The following ATG7 variants were observed in gnomAD, a reference collection of about 807,000 sequenced individuals.
ATG7 encodes the protein autophagy related 7, also known as ubiquitin-like modifier-activating enzyme ATG7.
Under a neutral mutation model 82.4 loss-of-function variants are expected in ATG7, and 70 were observed. That is an observed-to-expected ratio of 0.85 (90% CI 0.70 to 1.04). The LOEUF (loss-of-function observed/expected upper bound fraction) is 1.04, where lower values mean the gene tolerates loss of function less well. ATG7 is among the 50% of genes least tolerant of loss of function. The pLI is 0.00. For missense variants in ATG7, 792 were observed against 864.3 expected (o/e 0.92, Z 1.05); for synonymous variants, 287 against 313.0 (o/e 0.92, Z 0.88).
At chr3:11,337,482 C>CTA (rs1263177532) in intron 11 of ATG7, among the ~76,000 whole-genome samples, 3 of 149,428 alleles carry the variant, frequency 2.0e-5, no homozygotes, top group Non-Finnish European at 4.4e-5. Flanking sequence ...CTCTCTCTCT[C>CTA]TCTCTCTATA....
At chr3:11,436,671 A>G (rs765354138) in intron 20 of ATG7, among the ~76,000 whole-genome samples, 2 of 152,260 alleles carry the variant, frequency 1.3e-5, no homozygotes, top group Non-Finnish European at 2.9e-5. Context: ...GATGTTCATT[A>G]GCTGATGAAT....
chr3:11,468,316 A>ACCG (rs869163937), intron 20 of ATG7, among the ~76,000 whole-genome samples: 3 of 132,936 alleles, frequency 2.3e-5, no homozygotes, highest in African/African-American at 8.4e-5. Context: ...AAGTGGAGCT[A>ACCG]GTGGGAGAGC....
chr3:11,550,093 C>A (rs749722177), intron 20 of ATG7, among the ~76,000 whole-genome samples: 1 of 152,024 alleles, frequency 6.6e-6, no homozygotes, highest in Non-Finnish European at 1.5e-5. Flanking sequence ...TGTAAGAGTT[C>A]TCTTTATTTT....
intron 20 of ATG7, among the ~76,000 whole-genome samples, chr3:11,472,606 G>A (rs1369347806): frequency 6.6e-6 from 1 of 152,182 alleles, no homozygotes; most frequent in Non-Finnish European, 1.5e-5. Flanking sequence ...AGCAACAGAT[G>A]TCCACTGTGG....
At chr3:11,331,449 T>C in intron 10 of ATG7, 21 bp downstream of exon 10, 1 of 1,538,572 alleles carries the variant, frequency 6.5e-7, no homozygotes, top group Non-Finnish European at 9.0e-7. Context: ...GAGTGTGTGT[T>C]TGTCTGTCTG....
chr3:11,511,833 G>A (rs1310117697), intron 20 of ATG7, among the ~76,000 whole-genome samples: 2 of 152,180 alleles, frequency 1.3e-5, no homozygotes, highest in African/African-American at 4.8e-5. Context: ...GCAGCCACTG[G>A]CCCAGGTGCT....
At chr3:11,483,319 C>T (rs1574939129) in intron 20 of ATG7, among the ~76,000 whole-genome samples, 1 of 152,142 alleles carries the variant, frequency 6.6e-6, no homozygotes, top group Admixed American at 6.5e-5. Flanking sequence ...TCCAGCTGCC[C>T]AAAATCACCA....
At chr3:11,442,739 C>CCAAAAAAAAA (rs1553668928) in intron 20 of ATG7, among the ~76,000 whole-genome samples, 790 of 69,232 alleles carry the variant, frequency 0.011, 200 homozygotes, top group South Asian at 0.019. Context: ...TCCATCTCTA[C>CCAAAAAAAAA]AAAAAAAAAA....
In ATG7 at chr3:11,274,880, G is replaced by A. The variant is rs562373724; in HGVS notation, c.-366+2450G>A. Reference sequence around the variant, plus strand: ...GAAGTTTGGACTCTAAAATGTGGGGGCGGGGGTGGAGAGCAGGACACTGAA... The same window carrying A: ...GAAGTTTGGACTCTAAAATGTGGGGACGGGGGTGGAGAGCAGGACACTGAA... On this transcript the variant is annotated intron_variant, in intron 1 of 20. Transcript: ENST00000693202. Among the ~76,000 whole-genome samples the A allele has an allele frequency of 9.2e-5, 14 of 152,076 alleles. No homozygotes were observed. The South Asian group carries it at 2.3e-3, about 25-fold the overall frequency.
chr3:11,530,297 C>T (rs981219859), intron 20 of ATG7, among the ~76,000 whole-genome samples: 4 of 152,132 alleles, frequency 2.6e-5, no homozygotes, highest in Non-Finnish European at 4.4e-5. Context: ...AGTGTGTGTG[C>T]GGTGCGCGTG....
chr3:11,308,577 G>T (rs1481475124), intron 6 of ATG7: 2 of 172,006 alleles, frequency 1.2e-5, no homozygotes, highest in Non-Finnish European at 1.2e-5. Flanking sequence ...ATACATTTAC[G>T]CCAGTCTCTC....
intron 14 of ATG7, among the ~76,000 whole-genome samples, chr3:11,354,766 T>C (rs1327063913): frequency 6.6e-6 from 1 of 151,238 alleles, no homozygotes; most frequent in East Asian, 2.0e-4. Context: ...CTGGACTAGC[T>C]CTGCCACCAT....
chr3:11,516,579 C>G (rs970330361), intron 20 of ATG7, among the ~76,000 whole-genome samples: 8 of 152,118 alleles, frequency 5.3e-5, no homozygotes, highest in African/African-American at 1.9e-4. Flanking sequence ...GAGATTTACC[C>G]GAATTAGTTG....
intron 20 of ATG7, among the ~76,000 whole-genome samples, chr3:11,449,677 C>T (rs1246241453): frequency 2.0e-5 from 3 of 152,110 alleles, no homozygotes; most frequent in Non-Finnish European, 2.9e-5. Flanking sequence ...CACCAGAGAA[C>T]TATGTGGTTT....
At chr3:11,435,211 T>G (rs953588460) in intron 20 of ATG7, among the ~76,000 whole-genome samples, 8 of 152,174 alleles carry the variant, frequency 5.3e-5, no homozygotes, top group Non-Finnish European at 1.5e-5. Context: ...AGAAACAACT[T>G]TTTGCAGATT....
chr3:11,528,825 CAAAAAAA>C (rs11377789), intron 20 of ATG7, among the ~76,000 whole-genome samples: 1 of 88,746 alleles, frequency 1.1e-5, no homozygotes, highest in African/African-American at 3.9e-5. Flanking sequence ...GACTCCATCT[CAAAAAAA>C]AAAAAAAAAA....
At chr3:11,315,148 C>G (rs113388410) in intron 8 of ATG7, among the ~76,000 whole-genome samples, 196 bp from the exon 9 acceptor site, 1 of 152,118 alleles carries the variant, frequency 6.6e-6, no homozygotes, top group Admixed American at 6.5e-5. Context: ...CACCATGCCC[C>G]TGGAAAGTGT....
intron 19 of ATG7, among the ~76,000 whole-genome samples, chr3:11,404,404 G>A (rs2080134389): frequency 6.6e-6 from 1 of 151,888 alleles, no homozygotes; most frequent in Admixed American, 6.6e-5. Flanking sequence ...CCAAAGTGCT[G>A]GGATACGGGC....
At chr3:11,450,622 T>A (rs974561306) in intron 20 of ATG7, among the ~76,000 whole-genome samples, 1 of 152,230 alleles carries the variant, frequency 6.6e-6, no homozygotes, top group South Asian at 2.1e-4. Context: ...AGCTGTGATA[T>A]CTCACTCACC....
Sources: gnomAD v4.1 joint callset for allele counts (sites outside exome capture counted in the v4.1 genomes callset) on GRCh38, gnomAD v4.1.1 for gene constraint, MANE v1.5 for transcripts, NCBI Gene and HGNC (gene_info 2026-07-23, HGNC 2026-07-21) for gene names.